The following SH3GL2 variants were observed in gnomAD, a reference collection of about 807,000 sequenced individuals.
SH3GL2 encodes the protein SH3 domain containing GRB2 like 2, endophilin A1.
In SH3GL2, 24 loss-of-function variants were observed where a neutral mutation model predicts 46.0. The observed-to-expected ratio is 0.52, with a 90% CI of 0.38 to 0.73. The LOEUF is 0.73. SH3GL2 is among the 30% of genes least tolerant of loss of function. The pLI is 0.00. For missense variants in SH3GL2, 413 were observed against 424.2 expected (o/e 0.97, Z 0.23); for synonymous variants, 196 against 147.1 (o/e 1.33, Z -2.40).
chr9:17,628,780 A>G (rs1341285446), intron 1 of SH3GL2, among the ~76,000 whole-genome samples: 2 of 152,098 alleles, frequency 1.3e-5, no homozygotes, highest in East Asian at 3.9e-4. Context: ...AATCCTGCCA[A>G]CTGCCCTTTT....
chr9:17,777,215 A>G (rs1823665378), intron 3 of SH3GL2, among the ~76,000 whole-genome samples: 1 of 152,192 alleles, frequency 6.6e-6, no homozygotes, highest in Non-Finnish European at 1.5e-5. Context: ...AACTGTATAT[A>G]TTTTTAGAGG....
chr9:17,691,630 C>T (rs1821081062), intron 1 of SH3GL2, among the ~76,000 whole-genome samples: 1 of 152,144 alleles, frequency 6.6e-6, no homozygotes, highest in South Asian at 2.1e-4. Context: ...TAAAAATCTG[C>T]AAATTGAGTT....
At chr9:17,761,668 G>T in intron 3 of SH3GL2, 159 bp downstream of exon 3, 1 of 708,684 alleles carries the variant, frequency 1.4e-6, no homozygotes, top group Non-Finnish European at 2.6e-6. Context: ...ATTTTAACTG[G>T]GGAGAAGGGC....
Position 17,734,448 on chromosome 9 carries a change from C to T in SH3GL2, c.46-12618C>T, listed in dbSNP as rs72614247. 2.0e-3 allele frequency among the ~76,000 whole-genome samples: 300 copies of T among 152,132 alleles called. 6 individuals are homozygous for T. Among genetic ancestry groups the T allele is most frequent in the African/African-American group, 5.9e-3 (243 of 41,526 alleles). ...ATACTGTACAGTCTTCACATAATTTCGTGTATAACTGTCCTGTGAGGTAGC... is the reference window on the plus strand; with the variant it reads ...ATACTGTACAGTCTTCACATAATTTTGTGTATAACTGTCCTGTGAGGTAGC... On this transcript the variant is annotated intron_variant, in intron 1 of 8. Transcript: ENST00000380607.
intron 1 of SH3GL2, among the ~76,000 whole-genome samples, chr9:17,659,260 T>C (rs1820158074): frequency 6.6e-6 from 1 of 152,178 alleles, no homozygotes. Flanking sequence ...CAGACAAAGC[T>C]TTGGTTCCCT....
chr9:17,655,802 G>A (rs1422997083), intron 1 of SH3GL2, among the ~76,000 whole-genome samples: 1 of 152,152 alleles, frequency 6.6e-6, no homozygotes, highest in African/African-American at 2.4e-5. Flanking sequence ...GTTGCTCTCT[G>A]AGGGTTACCC....
chr9:17,579,102 A>C lies in SH3GL2; in HGVS notation c.-141A>C. On this transcript the variant is annotated 5_prime_UTR_variant, in exon 1 of 9. Transcript: ENST00000380607. ...TCTCCGCAAGAGCCCGTGTCCCGCTAGGCTCCGCGCCCTCGCGCCCATAGC... is the reference window on the plus strand; with the variant it reads ...TCTCCGCAAGAGCCCGTGTCCCGCTCGGCTCCGCGCCCTCGCGCCCATAGC... 2.0e-6 allele frequency: 1 copy of C among 512,548 alleles called. No homozygotes were observed. The highest frequency in any genetic ancestry group is 3.3e-6 in the Non-Finnish European group (1 of 302,050). 31.8% of individuals were successfully genotyped at this position (512,548 alleles called of 1,614,324 possible).
intron 1 of SH3GL2, among the ~76,000 whole-genome samples, chr9:17,658,964 A>G (rs1308445284): frequency 6.6e-6 from 1 of 152,206 alleles, no homozygotes; most frequent in Non-Finnish European, 1.5e-5. Context: ...TTTAACACTT[A>G]AATAGGGATT....
At chr9:17,614,787 G>A (rs368975290) in intron 1 of SH3GL2, among the ~76,000 whole-genome samples, 2 of 152,178 alleles carry the variant, frequency 1.3e-5, no homozygotes, top group African/African-American at 4.8e-5. Flanking sequence ...ACCAAGTGAA[G>A]TTTGTCTTTG....
At chr9:17,623,006 C>G (rs1009813163) in intron 1 of SH3GL2, among the ~76,000 whole-genome samples, 20 of 94,944 alleles carry the variant, frequency 2.1e-4, no homozygotes, top group African/African-American at 7.7e-4. Context: ...CTTTCCTTTC[C>G]TTTCCTTTCC....
chr9:17,692,203 G>A (rs1007225895), intron 1 of SH3GL2, among the ~76,000 whole-genome samples: 3 of 151,946 alleles, frequency 2.0e-5, no homozygotes, highest in South Asian at 2.1e-4. Flanking sequence ...TATGGATATG[G>A]GGGACAGCAA....
intron 1 of SH3GL2, among the ~76,000 whole-genome samples, chr9:17,718,166 A>G (rs935943755): frequency 6.6e-6 from 1 of 152,126 alleles, no homozygotes; most frequent in South Asian, 2.1e-4. Context: ...CATTTACCAT[A>G]CAGAGAAATA....
intron 1 of SH3GL2, among the ~76,000 whole-genome samples, chr9:17,646,159 C>G (rs1168830818): frequency 6.6e-6 from 1 of 151,548 alleles, no homozygotes; most frequent in African/African-American, 2.4e-5. Flanking sequence ...TCTGCTTGAT[C>G]GATTTGGCTA....
intron 1 of SH3GL2, among the ~76,000 whole-genome samples, chr9:17,685,766 G>T (rs369250743): frequency 6.6e-6 from 1 of 151,710 alleles, no homozygotes. Context: ...GTAGATATGC[G>T]GCGTTATTTC....
intron 1 of SH3GL2, among the ~76,000 whole-genome samples, chr9:17,647,067 C>G (rs1040067852): frequency 6.6e-6 from 1 of 152,140 alleles, no homozygotes. Flanking sequence ...TCAGAGATGC[C>G]CTGCCCAGAG....
chr9:17,600,561 G>A (rs1417455699), intron 1 of SH3GL2, among the ~76,000 whole-genome samples: 1 of 152,186 alleles, frequency 6.6e-6, no homozygotes, highest in African/African-American at 2.4e-5. Context: ...GCTGCATAAT[G>A]TTGCTGATGA....
At chr9:17,794,038 G>T (rs748002908) in intron 8 of SH3GL2, among the ~76,000 whole-genome samples, 5 of 152,170 alleles carry the variant, frequency 3.3e-5, no homozygotes, top group Non-Finnish European at 7.3e-5. Flanking sequence ...ACACTTGCTG[G>T]GTTTTCCTTC....
chr9:17,687,350 G>A (rs556940587), intron 1 of SH3GL2, among the ~76,000 whole-genome samples: 1 of 152,138 alleles, frequency 6.6e-6, no homozygotes, highest in South Asian at 2.1e-4. Context: ...ATTATTTTGG[G>A]ATTTTGTGAG....
chr9:17,581,986 C>G (rs1431575661), intron 1 of SH3GL2, among the ~76,000 whole-genome samples: 1 of 152,162 alleles, frequency 6.6e-6, no homozygotes, highest in Non-Finnish European at 1.5e-5. Context: ...GGCCTATAGC[C>G]TGGGTTTATA....
Sources: gnomAD v4.1 joint callset for allele counts (sites outside exome capture counted in the v4.1 genomes callset) on GRCh38, gnomAD v4.1.1 for gene constraint, MANE v1.5 for transcripts, NCBI Gene and HGNC (gene_info 2026-07-23, HGNC 2026-07-21) for gene names.